Variants in KIF20B observed in about 807,000 individuals in gnomAD.
KIF20B encodes kinesin family member 20B, also known as kinesin-like protein KIF20B.
KIF20B carries 188 observed loss-of-function variants against 232.5 expected under a neutral mutation model. That is an observed-to-expected ratio of 0.81 (90% CI 0.72 to 0.91). KIF20B has a LOEUF of 0.91. Among genes scored for constraint, KIF20B ranks in the 40% least tolerant of loss-of-function variants. The pLI is 0.00. For missense variants in KIF20B, 2,154 were observed against 2,055.9 expected (o/e 1.05, Z -0.92); for synonymous variants, 712 against 683.0 (o/e 1.04, Z -0.66).
In KIF20B at chr10:89,744,732, T is replaced by C. The variant is rs542340292; in HGVS notation, c.4035+805T>C. ...AAAAAAATACATTTGTTATATTATT[T>C]TCATGTTTGCTTTTAAATGAAGCAA... is the stretch of plus-strand genomic sequence containing the variant. On this transcript the variant is annotated intron_variant, in intron 22 of 32. Coordinates refer to ENST00000371728, the MANE Select transcript of KIF20B (RefSeq NM_001284259.2). Among the ~76,000 whole-genome samples, 412 of 152,362 alleles carry C rather than the reference T, an allele frequency of 2.7e-3. 2 individuals carry two copies. The South Asian group carries it at 0.03, about 11-fold the overall frequency.
intron 15 of KIF20B, 64 bp from the exon 16 acceptor site, chr10:89,726,229 G>T: frequency 7.2e-7 from 1 of 1,387,532 alleles, no homozygotes. Context: ...TAAATTAGAT[G>T]GTACCACATG....
intron 11 of KIF20B, among the ~76,000 whole-genome samples, chr10:89,718,226 A>G (rs1387352884): frequency 6.9e-6 from 1 of 145,934 alleles, no homozygotes; most frequent in Non-Finnish European, 1.6e-5. Context: ...AGTAAGTAGC[A>G]GCAGTTAAAA....
Position 89,714,959 on chromosome 10 carries a change from T to C in KIF20B, c.717T>C (p.Ser239=). 6.5e-7 allele frequency: 1 copy of C among 1,537,544 alleles called. No individual in the cohort carries two copies. The highest frequency in any genetic ancestry group is 8.8e-7 in the Non-Finnish European group (1 of 1,134,948). Residue 239 remains serine, a synonymous_variant, in exon 8 of 33, where the codon AGT becomes AGC. Transcript: ENST00000371728. ...HNDSDDTLYG[S]LTNSLNISEF... ...TTCTTTTTCTTTTTTTTGTAGGAAGTTTAACTAACTCTTTGAATATCTCAG... is the reference window on the plus strand; with the variant it reads ...TTCTTTTTCTTTTTTTTGTAGGAAGCTTAACTAACTCTTTGAATATCTCAG...
chr10:89,725,324 G>T (rs914104470), intron 15 of KIF20B, among the ~76,000 whole-genome samples, 166 bp downstream of exon 15: 1 of 151,914 alleles, frequency 6.6e-6, no homozygotes. Context: ...AAGGCACCAA[G>T]AATTTAAATA....
At chr10:89,770,718 G>A (rs775111300) in intron 31 of KIF20B, among the ~76,000 whole-genome samples, 2 of 151,634 alleles carry the variant, frequency 1.3e-5, no homozygotes, top group Non-Finnish European at 2.9e-5. Context: ...TGGAAATATA[G>A]AGAGAAAAGA....
At chr10:89,758,961 G>T in intron 27 of KIF20B, 79 bp downstream of exon 27, 1 of 931,296 alleles carries the variant, frequency 1.1e-6, no homozygotes, top group Non-Finnish European at 1.5e-6. Flanking sequence ...GAATAAAAAA[G>T]TGTAAGTCTC....
intron 15 of KIF20B, 91 bp downstream of exon 15, chr10:89,725,249 T>G: frequency 8.7e-7 from 1 of 1,150,720 alleles, no homozygotes; most frequent in Non-Finnish European, 1.3e-6. Context: ...ACCAAGATAG[T>G]TTAGAATTAA....
rs753427208 is a variant in KIF20B at position 89,772,750 on chromosome 10, A to G, written c.5304A>G (p.Glu1768=). 3 of 1,609,666 alleles carry G rather than the reference A, an allele frequency of 1.9e-6. No homozygotes were observed. The highest frequency in any genetic ancestry group is 2.2e-5 in the South Asian group (2 of 90,682). The stretch of plus-strand genomic sequence containing the variant: ...TCTCAAATGTAGAAGCAAGTAAAGA[A>G]AATGTGTCTCAACCAAAACGAGCCA... The part of the protein sequence containing the change: ...SKLSNVEASK[E]NVSQPKRAKR... Residue 1768 remains glutamate, a synonymous_variant, in exon 32 of 33, where the codon GAA becomes GAG. Coordinates refer to ENST00000371728, the MANE Select transcript of KIF20B (RefSeq NM_001284259.2).
chr10:89,751,402 G>T lies in KIF20B; in HGVS notation c.4153G>T (p.Glu1385Ter). The change falls in exon 24 of 33, where the codon GAA (glutamate) becomes TAA (stop). Residue 1385 changes from glutamate (E) to a stop codon, truncating the protein, a stop_gained. Transcript: ENST00000371728. LOFTEE classifies it high-confidence loss of function. The part of the protein sequence containing the change: ...EDMRMTLEEQ[E>*]QTQVEQDQVL... ...CATGCGAATGACACTAGAAGAACAG[G>T]AACAAACTCAGGTAGAACAGGATCA... 6.2e-7 allele frequency: 1 copy of T among 1,607,918 alleles called. No homozygotes were observed. Among genetic ancestry groups the T allele is most frequent in the South Asian group, 1.1e-5 (1 of 89,360 alleles).
At chr10:89,765,919 T>C (rs953699882) in intron 29 of KIF20B, among the ~76,000 whole-genome samples, 1 of 152,092 alleles carries the variant, frequency 6.6e-6, no homozygotes, top group Admixed American at 6.6e-5. Context: ...ACCTTTCTCT[T>C]TGGCTCCCCT....
chr10:89,741,220 G>C (rs543659694), intron 21 of KIF20B, among the ~76,000 whole-genome samples: 317 of 152,242 alleles, frequency 2.1e-3, no homozygotes, highest in African/African-American at 5.5e-3. Context: ...TTCACAATAG[G>C]GTTTGCACTC....
chr10:89,768,125 A>C (rs1301614860), intron 29 of KIF20B, among the ~76,000 whole-genome samples, 165 bp from the exon 30 acceptor site: 4 of 152,046 alleles, frequency 2.6e-5, no homozygotes, highest in Non-Finnish European at 5.9e-5. Flanking sequence ...AAGACAACCA[A>C]AAATATCTTC....
intron 27 of KIF20B, among the ~76,000 whole-genome samples, chr10:89,759,177 GT>G (rs1338210498): frequency 6.6e-6 from 1 of 151,864 alleles, no homozygotes; most frequent in African/African-American, 2.4e-5. Context: ...ACAATTTATG[GT>G]TTAGTCCCCA....
intron 23 of KIF20B, among the ~76,000 whole-genome samples, chr10:89,749,865 T>G (rs1347441815): frequency 6.6e-6 from 1 of 152,210 alleles, no homozygotes; most frequent in Non-Finnish European, 1.5e-5. Context: ...CTTATAGTTT[T>G]AATTTTCTTG....
At chr10:89,754,408 T>C (rs557368727) in intron 25 of KIF20B, 110 bp from the exon 26 acceptor site, 56 of 556,222 alleles carry the variant, frequency 1.0e-4, no homozygotes, top group Non-Finnish European at 1.6e-4. Flanking sequence ...AGTGAAACAT[T>C]AAAGTTTTTA....
chr10:89,709,909 T>TA lies in KIF20B; in HGVS notation c.352-12dup. The TA allele has an allele frequency of 1.3e-6, 2 of 1,557,918 alleles. No individual in the cohort carries two copies. Among genetic ancestry groups the TA allele is most frequent in the South Asian group, 1.2e-5 (1 of 81,980 alleles). ...ACTTGAATTTTCTAAAAAGAGTTTT[T>TA]AAAAAATGTTTGCTTAGGTTTTTGG... On this transcript the variant is annotated splice_polypyrimidine_tract_variant and intron_variant, in intron 4 of 32. Transcript: ENST00000371728.
intron 19 of KIF20B, among the ~76,000 whole-genome samples, chr10:89,736,964 A>G (rs1044385284): frequency 1.3e-5 from 2 of 152,112 alleles, no homozygotes; most frequent in East Asian, 1.9e-4. Context: ...AAAAGCCACA[A>G]TATAATTGTA....
intron 5 of KIF20B, 25 bp downstream of exon 5, chr10:89,710,090 GA>G (rs775299231): frequency 5.7e-6 from 9 of 1,584,610 alleles, no homozygotes; most frequent in Middle Eastern, 1.8e-4. Flanking sequence ...ATTTTGGTTG[GA>G]AAGGATAAGG....
intron 13 of KIF20B, among the ~76,000 whole-genome samples, chr10:89,720,761 A>C (rs1843038993): frequency 6.6e-6 from 1 of 152,194 alleles, no homozygotes; most frequent in Admixed American, 6.5e-5. Flanking sequence ...GCTAGAGTGC[A>C]ATGGCACGAT....
Sources: gnomAD v4.1 joint callset for allele counts (sites outside exome capture counted in the v4.1 genomes callset) on GRCh38, gnomAD v4.1.1 for gene constraint, MANE v1.5 for transcripts, NCBI Gene and HGNC (gene_info 2026-07-23, HGNC 2026-07-21) for gene names.